FTCDNL1: variants seen among roughly 807,000 people sequenced by gnomAD.
FTCDNL1 encodes formiminotransferase N-terminal subdomain-containing protein.
Under a neutral mutation model 5.9 loss-of-function variants are expected in FTCDNL1, and 11 were observed. That is an observed-to-expected ratio of 1.87 (90% CI 1.18 to 3.10). FTCDNL1 has a LOEUF of 3.10. FTCDNL1 is among the 30% of genes most tolerant of loss of function. FTCDNL1 has a pLI of 0.00. For synonymous variants in FTCDNL1, 58 were observed against 24.8 expected (o/e 2.34, Z -3.99); for missense variants, 115 against 65.5 (o/e 1.76, Z -2.61).
intron 3 of FTCDNL1, among the ~76,000 whole-genome samples, chr2:199,787,528 A>T (rs1021722786): frequency 6.6e-6 from 1 of 152,152 alleles, no homozygotes; most frequent in African/African-American, 2.4e-5. Flanking sequence ...ACATATTCAC[A>T]GGTTCTCGGG....
chr2:199,680,992 T>TGGA, the FTCDNL1 span, among the ~76,000 whole-genome samples: 1 of 152,170 alleles, frequency 6.6e-6, no homozygotes, highest in Non-Finnish European at 1.5e-5. Context: ...GTACAAGATC[T>TGGA]GGAGAAGTGG....
downstream of FTCDNL1, among the ~76,000 whole-genome samples, chr2:199,808,331 A>AT (rs1700840549): frequency 6.6e-6 from 1 of 152,296 alleles, no homozygotes; most frequent in African/African-American, 2.4e-5. Context: ...ATATGAGGGG[A>AT]TTTTTGTATT....
At chr2:199,777,503 G>A (rs759833251) in intron 3 of FTCDNL1, among the ~76,000 whole-genome samples, 15 of 152,198 alleles carry the variant, frequency 9.9e-5, no homozygotes, top group South Asian at 2.1e-4. Context: ...TCAACTGATT[G>A]GATGAGGCCC....
chr2:199,791,228 A>G (rs1699910412), intron 3 of FTCDNL1, among the ~76,000 whole-genome samples: 2 of 152,168 alleles, frequency 1.3e-5, no homozygotes, highest in African/African-American at 4.8e-5. Flanking sequence ...AAATAGAGGA[A>G]AAAATTTAAA....
chr2:199,763,839 T>G (rs1698382725), intron 3 of FTCDNL1, among the ~76,000 whole-genome samples: 1 of 152,132 alleles, frequency 6.6e-6, no homozygotes, highest in Admixed American at 6.5e-5. Context: ...TATTTATTTT[T>G]TATTTTTATT....
At chr2:199,719,406 C>G in the FTCDNL1 span, among the ~76,000 whole-genome samples, 2 of 152,094 alleles carry the variant, frequency 1.3e-5, no homozygotes, top group Non-Finnish European at 2.9e-5. Context: ...ATATCACTAC[C>G]ATGCTGTTTT....
the FTCDNL1 span, among the ~76,000 whole-genome samples, chr2:199,672,179 G>A: frequency 5.3e-5 from 8 of 152,126 alleles, no homozygotes; most frequent in East Asian, 1.9e-4. Flanking sequence ...TTCTCTATCC[G>A]TCTTCCTCCC....
chr2:199,843,494 G>T (rs1300612825), intron 3 of FTCDNL1, among the ~76,000 whole-genome samples: 1 of 152,098 alleles, frequency 6.6e-6, no homozygotes, highest in Non-Finnish European at 1.5e-5. Flanking sequence ...CTGGAGCCAA[G>T]ATTTCCCTTG....
downstream of FTCDNL1, among the ~76,000 whole-genome samples, chr2:199,806,116 A>T (rs568956695): frequency 1.7e-3 from 253 of 152,328 alleles, 2 homozygotes; most frequent in African/African-American, 5.6e-3. Context: ...AGGCAGTCTG[A>T]GTTCAACCAG....
chr2:199,675,447 CTTG>C, the FTCDNL1 span, among the ~76,000 whole-genome samples: 1 of 152,034 alleles, frequency 6.6e-6, no homozygotes, highest in Non-Finnish European at 1.5e-5. Flanking sequence ...TTAATTTAAT[CTTG>C]TTAATAAATT....
At chr2:199,714,954 GA>G in the FTCDNL1 span, among the ~76,000 whole-genome samples, 1 of 137,852 alleles carries the variant, frequency 7.3e-6, no homozygotes, top group African/African-American at 2.6e-5. Context: ...GGGGTGGAGG[GA>G]GGGGGGAGGG....
the FTCDNL1 span, among the ~76,000 whole-genome samples, chr2:199,672,459 G>C: frequency 1.3e-5 from 2 of 152,182 alleles, no homozygotes; most frequent in African/African-American, 4.8e-5. Context: ...ATCTATGGCT[G>C]TATAGCAAAT....
chr2:199,744,524 G>C, the FTCDNL1 span, among the ~76,000 whole-genome samples: 1 of 152,054 alleles, frequency 6.6e-6, no homozygotes, highest in Non-Finnish European at 1.5e-5. Context: ...TGCAAGCCAG[G>C]AAGAGAGGCC....
intron 3 of FTCDNL1, among the ~76,000 whole-genome samples, chr2:199,821,018 G>T (rs1400310160): frequency 6.6e-6 from 1 of 152,158 alleles, no homozygotes; most frequent in Non-Finnish European, 1.5e-5. Context: ...CAATTTCAGG[G>T]TGTATTATTT....
chr2:199,825,487 T>C (rs973569151), intron 3 of FTCDNL1, among the ~76,000 whole-genome samples: 2 of 152,200 alleles, frequency 1.3e-5, no homozygotes, highest in Admixed American at 1.3e-4. Flanking sequence ...CATGTTGAAA[T>C]GTGATCCCCA....
In FTCDNL1 at chr2:199,810,762, G is replaced by A. The variant is rs1020537224; in HGVS notation, c.*1943C>T. On this transcript the variant is annotated 3_prime_UTR_variant, in exon 5 of 5. Coordinates refer to ENST00000420128, the MANE Select transcript of FTCDNL1 (RefSeq NM_001363886.2). ...ACATTTCTAAAAGCAAAGTTAAGCA[G>A]GGATTGATGAGGAATAAAGGACTGA... Among the ~76,000 whole-genome samples, 5 of 152,190 alleles carry A rather than the reference G, an allele frequency of 3.3e-5. No individual in the cohort carries two copies. The highest frequency in any genetic ancestry group is 9.7e-5 in the African/African-American group (4 of 41,446).
intron 3 of FTCDNL1, among the ~76,000 whole-genome samples, chr2:199,825,088 T>C (rs189958066): frequency 8.1e-5 from 12 of 148,220 alleles, no homozygotes; most frequent in African/African-American, 2.7e-4. Flanking sequence ...CAGTGAGCCA[T>C]GATTATGCCA....
chr2:199,720,187 C>A, the FTCDNL1 span, among the ~76,000 whole-genome samples: 1 of 152,158 alleles, frequency 6.6e-6, no homozygotes, highest in Admixed American at 6.5e-5. Context: ...GCGATTTCCT[C>A]TTCTCCAATT....
chr2:199,711,336 C>T, the FTCDNL1 span, among the ~76,000 whole-genome samples: 1 of 124,594 alleles, frequency 8.0e-6, no homozygotes, highest in Non-Finnish European at 1.6e-5. Context: ...TGTGTAATGA[C>T]AGAAGGTGAC....
Sources: gnomAD v4.1 joint callset for allele counts (sites outside exome capture counted in the v4.1 genomes callset) on GRCh38, gnomAD v4.1.1 for gene constraint, MANE v1.5 for transcripts, NCBI Gene and HGNC (gene_info 2026-07-23, HGNC 2026-07-21) for gene names.